Variants in EDA observed in about 807,000 individuals in gnomAD.
EDA encodes the protein ectodysplasin-A.
A neutral mutation model predicts 23.6 loss-of-function variants in EDA; 2 were observed. The ratio of observed to expected loss-of-function variants is 0.08; its 90% CI spans 0.03 to 0.27. The LOEUF (loss-of-function observed/expected upper bound fraction) is 0.27. Ranked by LOEUF, EDA falls within the 10% of genes least tolerant of loss-of-function variation. The pLI is 1.00. For missense variants in EDA, 229 were observed against 324.2 expected (o/e 0.71, Z 2.26); for synonymous variants, 131 against 132.0 (o/e 0.99, Z 0.05).
intron 1 of EDA, among the ~76,000 whole-genome samples, chrX:69,846,279 G>T (rs1602476378): frequency 9.0e-6 from 1 of 110,760 alleles, no homozygotes; most frequent in South Asian, 4.0e-4. Flanking sequence ...GTCGTTTTTT[G>T]TTTGTTTTTG....
chrX:69,713,467 A>G (rs1363798283), intron 1 of EDA, among the ~76,000 whole-genome samples: 1 of 111,235 alleles, frequency 9.0e-6, no homozygotes, highest in Admixed American at 9.6e-5. Flanking sequence ...TCCAACATCA[A>G]AAGGATCCCT....
intron 1 of EDA, among the ~76,000 whole-genome samples, chrX:69,931,956 A>G (rs1380155275): frequency 8.9e-6 from 1 of 112,313 alleles, no homozygotes; most frequent in Non-Finnish European, 1.9e-5. Flanking sequence ...TTGTCCCTCA[A>G]CAGATAGTGG....
intron 1 of EDA, among the ~76,000 whole-genome samples, chrX:69,754,881 C>T (rs761349487): frequency 2.7e-5 from 3 of 112,241 alleles, no homozygotes; most frequent in Admixed American, 9.4e-5. Context: ...ATGTAGTTCT[C>T]GTGCCAAGGT....
intron 1 of EDA, among the ~76,000 whole-genome samples, chrX:69,743,866 A>T (rs990405141): frequency 1.8e-5 from 2 of 111,874 alleles, no homozygotes; most frequent in Non-Finnish European, 3.8e-5. Context: ...TCTGGTCTGA[A>T]TCAATGAACT....
At chrX:69,731,760 A>G (rs748882509) in intron 1 of EDA, among the ~76,000 whole-genome samples, 1 of 111,867 alleles carries the variant, frequency 8.9e-6, no homozygotes, top group Admixed American at 9.5e-5. Context: ...ATAAGCATTT[A>G]ATACTATAAA....
intron 2 of EDA, among the ~76,000 whole-genome samples, chrX:69,964,360 T>G (rs2019145489): frequency 9.0e-6 from 1 of 111,373 alleles, no homozygotes; most frequent in African/African-American, 3.3e-5. Context: ...TTAAGAAAAC[T>G]ATACTGAGGA....
At chrX:69,783,413 A>G (rs1360188917) in intron 1 of EDA, among the ~76,000 whole-genome samples, 1 of 108,052 alleles carries the variant, frequency 9.3e-6, no homozygotes, top group Non-Finnish European at 1.9e-5. Context: ...CATTAGGTGT[A>G]TCTCCTAATG....
At chrX:69,862,484 AC>A (rs1159325184) in intron 1 of EDA, among the ~76,000 whole-genome samples, 2 of 111,675 alleles carry the variant, frequency 1.8e-5, no homozygotes, top group Non-Finnish European at 3.8e-5. Context: ...TCACTTTGTC[AC>A]CCATGCTGGA....
chrX:69,789,017 G>A (rs1020103774), intron 1 of EDA, among the ~76,000 whole-genome samples: 5 of 112,469 alleles, frequency 4.4e-5, no homozygotes, highest in Non-Finnish European at 7.5e-5. Flanking sequence ...TTAGCCTGTC[G>A]GAAAAGCGCA....
At chrX:69,966,850 T>C (rs2019181357) in intron 2 of EDA, among the ~76,000 whole-genome samples, 1 of 109,951 alleles carries the variant, frequency 9.1e-6, no homozygotes, top group Non-Finnish European at 1.9e-5. Flanking sequence ...GGTTTAAAAA[T>C]GCAAGTTTTA....
intron 1 of EDA, among the ~76,000 whole-genome samples, chrX:69,912,928 C>T (rs2018289751): frequency 9.1e-6 from 1 of 109,757 alleles, no homozygotes; most frequent in Non-Finnish European, 1.9e-5. Flanking sequence ...CCATCACACT[C>T]GTCTAATTTT....
chrX:69,646,172 T>G (rs1036771682), intron 1 of EDA, among the ~76,000 whole-genome samples: 1 of 111,410 alleles, frequency 9.0e-6, no homozygotes, highest in Non-Finnish European at 1.9e-5. Context: ...TGTTTTGAGG[T>G]GGAGAGTTCT....
At chrX:69,750,019 C>CT (rs1250125165) in intron 1 of EDA, among the ~76,000 whole-genome samples, 1 of 81,250 alleles carries the variant, frequency 1.2e-5, no homozygotes, top group Non-Finnish European at 2.3e-5. Flanking sequence ...TTTTCTTTTT[C>CT]TTTTTTTTAT....
At chrX:69,892,014 G>C (rs2017941107) in intron 1 of EDA, among the ~76,000 whole-genome samples, 1 of 111,985 alleles carries the variant, frequency 8.9e-6, no homozygotes, top group South Asian at 3.7e-4. Flanking sequence ...TAAGCTTTAA[G>C]TTTGTTAAAC....
intron 2 of EDA, among the ~76,000 whole-genome samples, chrX:70,000,630 G>A (rs183110858): frequency 9.3e-4 from 104 of 112,217 alleles, no homozygotes; most frequent in Non-Finnish European, 1.5e-3. Flanking sequence ...AGTTTATATG[G>A]TTATAGAATT....
In EDA at chrX:69,815,582, T is replaced by G. The variant is rs1412064354; in HGVS notation, c.397-141445T>G. Among the ~76,000 whole-genome samples the G allele has an allele frequency of 3.0e-4, 33 of 111,328 alleles. 1 individual carries two copies. The Admixed American group carries it at 3.1e-3, about 11-fold the overall frequency. On this transcript the variant is annotated intron_variant, in intron 1 of 7. Coordinates refer to ENST00000374552, the MANE Select transcript of EDA (RefSeq NM_001399.5). Reference sequence around the variant, plus strand: ...CTTGCCAGATCTTGGCCAGAGTGCTTCTTTAATTGGGACCCCAATCCATTT... The same window carrying G: ...CTTGCCAGATCTTGGCCAGAGTGCTGCTTTAATTGGGACCCCAATCCATTT...
chrX:69,884,262 A>G (rs1278301215), intron 1 of EDA, among the ~76,000 whole-genome samples: 1 of 111,106 alleles, frequency 9.0e-6, no homozygotes, highest in Non-Finnish European at 1.9e-5. Context: ...GTGAACCTAT[A>G]CTCCATGTAT....
At position 69,973,830 on chromosome X, in the gene EDA, A is replaced by G. The variant is rs139461209; in HGVS notation, c.502+16698A>G. ...AGTGAATCTTACCAATATAATGTTA[A>G]GCTTATAAAAAGTAAATCCCCTATG... On this transcript the variant is annotated intron_variant, in intron 2 of 7. Coordinates refer to ENST00000374552, the MANE Select transcript of EDA (RefSeq NM_001399.5). Among the ~76,000 whole-genome samples the G allele has an allele frequency of 3.7e-4, 41 of 111,687 alleles. No individual in the cohort carries two copies. The East Asian group carries it at 0.011, about 30-fold the overall frequency.
chrX:69,667,289 A>G (rs1933719053), intron 1 of EDA, among the ~76,000 whole-genome samples: 1 of 106,034 alleles, frequency 9.4e-6, no homozygotes, highest in Admixed American at 1.0e-4. Flanking sequence ...ATTTTTTTTT[A>G]TTTTTAGTAG....
Sources: allele counts gnomAD v4.1 joint callset (sites outside exome capture counted in the v4.1 genomes callset), GRCh38; gene constraint gnomAD v4.1.1; transcripts MANE v1.5; gene names NCBI Gene and HGNC (gene_info 2026-07-23, HGNC 2026-07-21).